NELL1: variants seen among roughly 807,000 people sequenced by gnomAD.
NELL1 encodes protein kinase C-binding protein NELL1.
NELL1 carries 76 observed loss-of-function variants against 107.4 expected under a neutral mutation model. The observed-to-expected ratio is 0.71, with a 90% CI of 0.59 to 0.86. The LOEUF (loss-of-function observed/expected upper bound fraction) is 0.86, where lower values mean the gene tolerates loss of function less well. NELL1 is among the 40% of genes least tolerant of loss of function. The probability of loss-of-function intolerance (pLI) is 0.00; values close to 1 mark genes in which losing one functional copy is unlikely to be tolerated. For synonymous variants in NELL1, 353 were observed against 341.2 expected, an observed-to-expected ratio of 1.03 and a Z score of -0.38; for missense variants, 1,024 against 1,005.5, an observed-to-expected ratio of 1.02 and a Z score of -0.25.
chr11:21,460,703 A>G (rs547344477), intron 15 of NELL1, among the ~76,000 whole-genome samples: 1 of 152,094 alleles, frequency 6.6e-6, no homozygotes, highest in African/African-American at 2.4e-5. Context: ...GGTTGCTAGA[A>G]TCCTAAAGTC....
rs1565122814 is a variant in NELL1 at position 21,232,179 on chromosome 11, A to ATATATATAT, written c.1549+2725_1549+2726insTATATATAT. On this transcript the variant is annotated intron_variant, in intron 14 of 19. Transcript: ENST00000357134. The stretch of plus-strand genomic sequence containing the variant: ...AAAAAAATATATATATATATATATA[A>ATATATATAT]ATTAGCTGGGCGTGGTGGTGTCCAC... 5.5e-3 allele frequency among the ~76,000 whole-genome samples: 612 copies of ATATATATAT among 111,014 alleles called. 25 individuals carry two copies. The highest frequency in any genetic ancestry group is 8.0e-3 in the Non-Finnish European group (436 of 54,838). The allele number at this position is 111,014 out of a possible 152,430, so 72.8% of individuals were successfully genotyped here. A position where few individuals can be genotyped will look rare whatever the true frequency, so the allele number is the denominator to read the frequency against.
chr11:21,436,167 G>C (rs888494529), intron 15 of NELL1, among the ~76,000 whole-genome samples: 1 of 152,066 alleles, frequency 6.6e-6, no homozygotes, highest in African/African-American at 2.4e-5. Context: ...TGATTCTCCT[G>C]CCTCAGCATC....
chr11:20,937,757 G>A, intron 9 of NELL1, 29 bp from the exon 10 acceptor site: 1 of 1,582,936 alleles, frequency 6.3e-7, no homozygotes, highest in Non-Finnish European at 8.7e-7. Context: ...CAGCAGGACT[G>A]TCTGACCCAT....
At chr11:21,337,848 T>G (rs558293269) in intron 14 of NELL1, among the ~76,000 whole-genome samples, 3,090 of 145,152 alleles carry the variant, frequency 0.021, 99 homozygotes, top group East Asian at 0.034. Context: ...TTTCTTTCTT[T>G]CTTTCTTTCT....
chr11:21,202,176 G>A (rs1857284782), intron 13 of NELL1, among the ~76,000 whole-genome samples: 1 of 152,144 alleles, frequency 6.6e-6, no homozygotes, highest in African/African-American at 2.4e-5. Flanking sequence ...TTTTTCTGTT[G>A]TTTGGAATAG....
At chr11:20,846,365 A>G (rs952987435) in intron 3 of NELL1, among the ~76,000 whole-genome samples, 2 of 152,212 alleles carry the variant, frequency 1.3e-5, no homozygotes, top group African/African-American at 4.8e-5. Context: ...TTCATTCCTC[A>G]TAGAAGATGC....
chr11:21,457,357 G>A lies in NELL1; in HGVS notation c.1646-77017G>A, dbSNP rs189577838. Among the ~76,000 whole-genome samples, 257 of 152,132 alleles carry A rather than the reference G, an allele frequency of 1.7e-3. 3 individuals carry two copies. The highest frequency in any genetic ancestry group is 2.2e-3 in the Non-Finnish European group (149 of 67,920). On this transcript the variant is annotated intron_variant, in intron 15 of 19. Coordinates refer to ENST00000357134, the MANE Select transcript of NELL1 (RefSeq NM_006157.5). ...AAGTTAAATGGAAAGAATTCAGAGTGTTGTGGAGATAAGAGGTGTTGTTAG... is the reference window on the plus strand; with the variant it reads ...AAGTTAAATGGAAAGAATTCAGAGTATTGTGGAGATAAGAGGTGTTGTTAG...
intron 13 of NELL1, among the ~76,000 whole-genome samples, chr11:21,197,943 C>A (rs1006847026): frequency 4.6e-5 from 7 of 152,178 alleles, no homozygotes; most frequent in African/African-American, 1.7e-4. Context: ...TATCAAACAA[C>A]CGCCATTTTA....
chr11:21,504,039 C>A (rs554736236), intron 15 of NELL1: 1 of 152,326 alleles, frequency 6.6e-6, no homozygotes, highest in South Asian at 2.1e-4. Context: ...CTTCCCCAAA[C>A]CACACAAATT....
At chr11:21,296,646 T>G (rs994312697) in intron 14 of NELL1, among the ~76,000 whole-genome samples, 1 of 151,930 alleles carries the variant, frequency 6.6e-6, no homozygotes, top group African/African-American at 2.4e-5. Context: ...TACTATGCAG[T>G]TGGATTCGTG....
intron 3 of NELL1, among the ~76,000 whole-genome samples, chr11:20,812,255 G>A (rs929477421): frequency 2.6e-5 from 4 of 151,978 alleles, no homozygotes; most frequent in Admixed American, 1.3e-4. Context: ...GTTTCACATG[G>A]TGAACCATCC....
At chr11:20,937,977 ACT>A (rs1455234280) in intron 10 of NELL1, 118 bp downstream of exon 10, 3 of 890,638 alleles carry the variant, frequency 3.4e-6, no homozygotes, top group African/African-American at 1.7e-5. Context: ...GAGGGGTGGA[ACT>A]CTCTGCGGTG....
chr11:20,766,397 G>A (rs146568558), intron 2 of NELL1, among the ~76,000 whole-genome samples: 228 of 152,334 alleles, frequency 1.5e-3, no homozygotes, highest in African/African-American at 5.2e-3. Flanking sequence ...GGAAAGGAAA[G>A]ACACAAGGTG....
chr11:21,560,514 A>G (rs1856824016), intron 17 of NELL1, 132 bp downstream of exon 17: 1 of 737,028 alleles, frequency 1.4e-6, no homozygotes. Context: ...TCTTATCTAC[A>G]TTACAGCTAA....
chr11:21,203,669 G>T (rs1481562551), intron 13 of NELL1, among the ~76,000 whole-genome samples: 1 of 152,014 alleles, frequency 6.6e-6, no homozygotes, highest in Non-Finnish European at 1.5e-5. Context: ...TGCTAGATGG[G>T]TATTTTTCCT....
intron 14 of NELL1, among the ~76,000 whole-genome samples, chr11:21,267,009 A>C (rs1220271362): frequency 6.6e-6 from 1 of 152,080 alleles, no homozygotes; most frequent in Non-Finnish European, 1.5e-5. Context: ...ATGAACTATG[A>C]TTATTGATGT....
chr11:20,907,609 T>C (rs1850030381), intron 5 of NELL1, among the ~76,000 whole-genome samples: 1 of 152,176 alleles, frequency 6.6e-6, no homozygotes, highest in Non-Finnish European at 1.5e-5. Flanking sequence ...GGTGAGGTTG[T>C]GGAAAATTTG....
intron 12 of NELL1, among the ~76,000 whole-genome samples, chr11:21,016,817 A>G (rs1392639812): frequency 1.3e-5 from 2 of 152,090 alleles, no homozygotes; most frequent in Admixed American, 6.5e-5. Context: ...GAAACCTTTC[A>G]GGAGTTTACT....
intron 2 of NELL1, among the ~76,000 whole-genome samples, chr11:20,746,772 A>C (rs77899811): frequency 6.6e-6 from 1 of 152,058 alleles, no homozygotes. Flanking sequence ...ATTTCTCTGT[A>C]GTGGTTTTGG....
Sources: gnomAD v4.1 joint callset for allele counts (sites outside exome capture counted in the v4.1 genomes callset) on GRCh38, gnomAD v4.1.1 for gene constraint, MANE v1.5 for transcripts, NCBI Gene and HGNC (gene_info 2026-07-23, HGNC 2026-07-21) for gene names.